The following LOC400499 variants were observed in gnomAD, a reference collection of about 807,000 sequenced individuals.
chr16:11,396,803 C>CT, the LOC400499 span: 1 of 757,028 alleles, frequency 1.3e-6, no homozygotes, highest in Non-Finnish European at 1.8e-6. Flanking sequence ...CAGCTCACAG[C>CT]TGACCTCTAA....
the LOC400499 span, among the ~76,000 whole-genome samples, chr16:11,429,763 C>A: frequency 6.6e-6 from 1 of 151,820 alleles, no homozygotes; most frequent in Admixed American, 6.6e-5. Flanking sequence ...CATGAGCCAC[C>A]ATGCCTGGCC....
At chr16:11,405,627 T>C in the LOC400499 span, among the ~76,000 whole-genome samples, 1 of 151,900 alleles carries the variant, frequency 6.6e-6, no homozygotes, top group African/African-American at 2.4e-5. Context: ...ACTGCTGGGG[T>C]GGGGAAGGAA....
chr16:11,429,790 A>T, the LOC400499 span, among the ~76,000 whole-genome samples: 26 of 149,174 alleles, frequency 1.7e-4, no homozygotes, highest in East Asian at 1.4e-3. Context: ...CAATAAATTT[A>T]AAAAAAAAAA....
At chr16:11,526,796 C>G in the LOC400499 span, among the ~76,000 whole-genome samples, 2 of 152,118 alleles carry the variant, frequency 1.3e-5, no homozygotes, top group Admixed American at 6.5e-5. Context: ...ACTGCAGCCT[C>G]GACCTGCTGG....
the LOC400499 span, among the ~76,000 whole-genome samples, chr16:11,460,232 TCCCAC>T: frequency 1.3e-5 from 2 of 152,158 alleles, no homozygotes; most frequent in Non-Finnish European, 2.9e-5. Context: ...GATCTCACTC[TCCCAC>T]CCAGACTGGA....
the LOC400499 span, chr16:11,387,428 G>A: frequency 7.4e-6 from 5 of 679,594 alleles, no homozygotes; most frequent in Non-Finnish European, 8.3e-6. Flanking sequence ...GGGAGGGGCT[G>A]TCCTTGTTTT....
the LOC400499 span, among the ~76,000 whole-genome samples, chr16:11,508,318 C>T: frequency 2.6e-5 from 4 of 152,370 alleles, no homozygotes; most frequent in African/African-American, 9.6e-5. Flanking sequence ...CACCTCCTGA[C>T]TTGAAACAGC....
At chr16:11,392,877 A>G in the LOC400499 span, 12 of 870,680 alleles carry the variant, frequency 1.4e-5, no homozygotes, top group South Asian at 5.1e-4. Flanking sequence ...TTTTTGAGAC[A>G]GAGTCTCGCT....
At chr16:11,399,177 C>T in the LOC400499 span, 2 of 982,540 alleles carry the variant, frequency 2.0e-6, no homozygotes, top group Non-Finnish European at 2.4e-6. Context: ...AGCTCCCGAT[C>T]TCCCTCCGCC....
chr16:11,385,357 G>C, the LOC400499 span: 1 of 1,232,306 alleles, frequency 8.1e-7, no homozygotes, highest in Non-Finnish European at 1.0e-6. Flanking sequence ...TGGGTGCTGA[G>C]GTCCCATACC....
the LOC400499 span, among the ~76,000 whole-genome samples, chr16:11,375,656 G>A: frequency 1.3e-5 from 2 of 151,590 alleles, no homozygotes; most frequent in African/African-American, 4.8e-5. Context: ...AATTAGTGAT[G>A]TTGAGCATCT....
the LOC400499 span, among the ~76,000 whole-genome samples, chr16:11,481,726 G>A: frequency 6.6e-6 from 1 of 152,020 alleles, no homozygotes; most frequent in Non-Finnish European, 1.5e-5. Flanking sequence ...CCTGCCTCCC[G>A]GTTTTAAGTG....
At chr16:11,390,755 A>G in the LOC400499 span, among the ~76,000 whole-genome samples, 2,188 of 152,260 alleles carry the variant, frequency 0.014, 28 homozygotes, top group Middle Eastern at 0.088. Context: ...AACTGTTTGT[A>G]CAAACGTGGT....
chr16:11,408,129 T>C, the LOC400499 span, among the ~76,000 whole-genome samples: 1 of 152,008 alleles, frequency 6.6e-6, no homozygotes, highest in African/African-American at 2.4e-5. Flanking sequence ...ATTACAGGCA[T>C]GTACCACCAC....
At chr16:11,521,155 C>T in the LOC400499 span, among the ~76,000 whole-genome samples, 44 of 152,302 alleles carry the variant, frequency 2.9e-4, no homozygotes, top group African/African-American at 1.0e-3. Context: ...TGAAAGACCT[C>T]ATCCTGTGGT....
chr16:11,414,347 T>C, the LOC400499 span: 1 of 399,334 alleles, frequency 2.5e-6, no homozygotes. Flanking sequence ...CTTACCTGGT[T>C]GGTGAAGGGC....
chr16:11,460,943 A>G, the LOC400499 span: 1 of 1,510,814 alleles, frequency 6.6e-7, no homozygotes, highest in East Asian at 2.5e-5. Context: ...CTGCCCCGCA[A>G]CCAGGCACGC....
chr16:11,499,319 G>C, the LOC400499 span, among the ~76,000 whole-genome samples: 1,888 of 83,286 alleles, frequency 0.023, 97 homozygotes, highest in Non-Finnish European at 0.035. Context: ...GGAAGGGAGG[G>C]AGAGGGGAGA....
chr16:11,397,834 C>G, the LOC400499 span, among the ~76,000 whole-genome samples: 3,855 of 144,338 alleles, frequency 0.027, 221 homozygotes, highest in African/African-American at 0.096. Flanking sequence ...AAGGGAGGAA[C>G]GGTTGGAGGA....
Sources: allele counts gnomAD v4.1 joint callset (sites outside exome capture counted in the v4.1 genomes callset), GRCh38; gene constraint gnomAD v4.1.1; transcripts MANE v1.5.